CD69: variants seen among roughly 807,000 people sequenced by gnomAD.
The protein encoded by CD69 is early activation antigen CD69.
Under a neutral mutation model 21.4 loss-of-function variants are expected in CD69, and 10 were observed. That is an observed-to-expected ratio of 0.47 (90% CI 0.29 to 0.79). The LOEUF (loss-of-function observed/expected upper bound fraction) is 0.79, where lower values mean the gene tolerates loss of function less well. Ranked by LOEUF, CD69 falls within the 30% of genes least tolerant of loss-of-function variation. The pLI is 0.09. For missense variants in CD69, 204 were observed against 236.9 expected (o/e 0.86, Z 0.91); for synonymous variants, 63 against 78.2 (o/e 0.81, Z 1.03).
chr12:9,756,445 G>A lies in CD69; in HGVS notation c.65-26C>T, dbSNP rs140163244. The A allele has an allele frequency of 5.8e-4, 927 of 1,601,448 alleles. 8 individuals carry two copies. The East Asian group carries it at 0.019, about 32-fold the overall frequency. Reference sequence around the variant, plus strand: ...CTGGAAGGGAGAAAGTTGATGATGAGTTCAGGCAGACTATAGAAGTACTAT... The same window carrying A: ...CTGGAAGGGAGAAAGTTGATGATGAATTCAGGCAGACTATAGAAGTACTAT... On this transcript the variant is annotated intron_variant, in intron 1 of 4. Transcript: ENST00000228434.
Position 9,754,595 on chromosome 12 carries a change from A to C in CD69, c.483T>G (p.Phe161Leu). Residue 161 changes from phenylalanine (F) to leucine (L), a missense_variant, in exon 4 of 5, where the codon TTT becomes TTG. Transcript: ENST00000228434. ...GACTTCTGGAGACTTACCAGTTGTT[A>C]AATTCTTTGCCATTTGACCACTTCC... ...HPWKWSNGKEFNNWFNVTGSD... is the reference protein window; with the variant it reads ...HPWKWSNGKELNNWFNVTGSD... The C allele has an allele frequency of 6.3e-7, 1 of 1,596,804 alleles. No individual in the cohort carries two copies. The highest frequency in any genetic ancestry group is 8.6e-7 in the Non-Finnish European group (1 of 1,164,248).
In CD69 at chr12:9,752,807, A is replaced by G. The variant is rs1441145406; in HGVS notation, c.*674T>C. 3 of 152,658 alleles carry G rather than the reference A, an allele frequency of 2.0e-5. No individual in the cohort carries two copies. Among genetic ancestry groups the G allele is most frequent in the African/African-American group, 4.8e-5 (2 of 41,456 alleles). 9.5% of individuals were successfully genotyped at this position (152,658 alleles called of 1,614,324 possible). A position where few individuals can be genotyped will look rare whatever the true frequency, so the allele number is the denominator to read the frequency against. ...TTCTCTGTAAGACACTGTATAAAAGATTATAAAGGCAAAGAAATATGTACC... is the reference window on the plus strand; with the variant it reads ...TTCTCTGTAAGACACTGTATAAAAGGTTATAAAGGCAAAGAAATATGTACC... On this transcript the variant is annotated 3_prime_UTR_variant, in exon 5 of 5. Coordinates refer to ENST00000228434, the MANE Select transcript of CD69 (RefSeq NM_001781.2).
Position 9,754,623 on chromosome 12 carries a change from GGGTGACCA to G in CD69, c.447_454del (p.Gly150MetfsTer10). On this transcript the variant is annotated frameshift_variant, in exon 4 of 5. Coordinates refer to ENST00000228434, the MANE Select transcript of CD69 (RefSeq NM_001781.2). LOFTEE classifies it low-confidence loss of function (END_TRUNC). ...TTCTTTGCCATTTGACCACTTCCATGGGTGACCAGGTTCCTTTTTCAGTCCAACCCAGT... is the reference window on the plus strand; with the variant it reads ...TTCTTTGCCATTTGACCACTTCCATGGGTTCCTTTTTCAGTCCAACCCAGT... 1.9e-6 allele frequency: 3 copies of G among 1,611,974 alleles called. No homozygotes were observed. The highest frequency in any genetic ancestry group is 2.5e-6 in the Non-Finnish European group (3 of 1,178,088).
At chr12:9,758,919 AG>A (rs1424297690) in intron 1 of CD69, among the ~76,000 whole-genome samples, 1 of 152,056 alleles carries the variant, frequency 6.6e-6, no homozygotes, top group African/African-American at 2.4e-5. Flanking sequence ...CCCATTAATG[AG>A]GGCTACTGTT....
chr12:9,756,958 T>C (rs1866684881), intron 1 of CD69, among the ~76,000 whole-genome samples: 1 of 152,130 alleles, frequency 6.6e-6, no homozygotes, highest in Admixed American at 6.5e-5. Flanking sequence ...CACGCACTTG[T>C]GTTCCCAGCT....
rs3176785 is a variant in CD69 at position 9,760,889 on chromosome 12, T to C, written c.-69A>G. On this transcript the variant is annotated 5_prime_UTR_variant, in exon 1 of 5. Transcript: ENST00000228434. Reference sequence around the variant, plus strand: ...CTACAGTGAAAGTCTTTGCTGGAGCTCTTGTTGAGTCTGTGAGGCTCTGAG... The same window carrying C: ...CTACAGTGAAAGTCTTTGCTGGAGCCCTTGTTGAGTCTGTGAGGCTCTGAG... 2,621 of 1,273,192 alleles carry C rather than the reference T, an allele frequency of 2.1e-3. 40 individuals carry two copies. In the African/African-American group the frequency reaches 0.034, roughly 17 times the overall value. 78.9% of individuals were successfully genotyped at this position (1,273,192 alleles called of 1,614,324 possible).
chr12:9,760,761 T>C lies in CD69; in HGVS notation c.60A>G (p.Gln20=), dbSNP rs1418454397. Residue 20 remains glutamine (Q), a synonymous_variant, in exon 1 of 5, where the codon CAA becomes CAG. Transcript: ENST00000228434. The part of the protein sequence containing the change: ...ENSSLHPESG[Q]ENDATSPHFS... ...AGGCAATCAGATCTGACTTACTTTC[T>C]TGTCCACTCTCCGGATGCAAAGAGC... The C allele has an allele frequency of 5.0e-6, 8 of 1,611,878 alleles. No individual in the cohort carries two copies. The highest frequency in any genetic ancestry group is 1.7e-5 in the Admixed American group (1 of 60,024).
intron 2 of CD69, among the ~76,000 whole-genome samples, chr12:9,755,735 C>G (rs1188099114): frequency 1.3e-5 from 2 of 152,138 alleles, no homozygotes; most frequent in African/African-American, 4.8e-5. Flanking sequence ...CTCAGAATAT[C>G]TCAAAACAAT....
chr12:9,753,706 C>G (rs1342128541), intron 4 of CD69, 117 bp from the exon 5 acceptor site: 2 of 496,358 alleles, frequency 4.0e-6, no homozygotes, highest in Admixed American at 3.9e-5. Flanking sequence ...GTGGGATACA[C>G]AAGTCAAATA....
intron 1 of CD69, 42 bp downstream of exon 1, chr12:9,760,715 T>C (rs1223807116): frequency 1.4e-6 from 2 of 1,388,024 alleles, no homozygotes; most frequent in Non-Finnish European, 2.0e-6. Context: ...ATGTCATATA[T>C]AGAGATACCA....
At chr12:9,758,264 A>G (rs1323771976) in intron 1 of CD69, among the ~76,000 whole-genome samples, 2 of 152,200 alleles carry the variant, frequency 1.3e-5, no homozygotes, top group Non-Finnish European at 2.9e-5. Flanking sequence ...GAGTCTTAAA[A>G]TGCGGCCCCA....
At chr12:9,753,871 C>G (rs1866651773) in intron 4 of CD69, among the ~76,000 whole-genome samples, 1 of 152,120 alleles carries the variant, frequency 6.6e-6, no homozygotes, top group Non-Finnish European at 1.5e-5. Flanking sequence ...ATAGATTTTT[C>G]AATAAATAAT....
chr12:9,759,078 C>T (rs767914731), intron 1 of CD69, among the ~76,000 whole-genome samples: 7 of 152,066 alleles, frequency 4.6e-5, no homozygotes, highest in African/African-American at 1.4e-4. Context: ...TACAGGCGCC[C>T]GCCCCCACGC....
chr12:9,755,210 C>T lies in CD69; in HGVS notation c.239G>A (p.Ser80Asn), dbSNP rs749782838. 1.4e-5 allele frequency: 23 copies of T among 1,614,064 alleles called. No individual in the cohort carries two copies. In the South Asian group the frequency reaches 2.5e-4, roughly 18 times the overall value. The part of the protein sequence containing the change: ...GQYTFSMPSD[S>N]HVSSCSEDWV... ...GTCCTCAGAGCATGAAGAAACATGG[C>T]TGTCTGATGGCATTGAGAATGTGTA... Residue 80 changes from serine (S) to asparagine (N), a missense_variant, in exon 3 of 5, where the codon AGC (serine) becomes AAC (asparagine). Physicochemically the swap from Ser to Asn is conservative, Grantham distance 46 (BLOSUM62 1). Coordinates refer to ENST00000228434, the MANE Select transcript of CD69 (RefSeq NM_001781.2).
In CD69 at chr12:9,754,678, GT is replaced by G; in HGVS notation, c.399del (p.Lys133AsnfsTer13). ...IDSEKDMNFL[K>X]RYAGREEHWV... is the part of the protein sequence containing the mutation. Reference sequence around the variant, plus strand: ...CAGTGTTCCTCTCTACCTGCGTATCGTTTTAGAAAGTTCTTAAAGAAAGCAC... The same window carrying G: ...CAGTGTTCCTCTCTACCTGCGTATCGTTTAGAAAGTTCTTAAAGAAAGCAC... On this transcript the variant is annotated frameshift_variant, in exon 4 of 5. Transcript: ENST00000228434. LOFTEE classifies it high-confidence loss of function. The G allele has an allele frequency of 6.2e-7, 1 of 1,603,418 alleles. No homozygotes were observed. Among genetic ancestry groups the G allele is most frequent in the Non-Finnish European group, 8.5e-7 (1 of 1,170,284 alleles).
chr12:9,755,099 C>T lies in CD69; in HGVS notation c.350G>A (p.Gly117Asp), dbSNP rs1202147769. The change falls in exon 3 of 5, where the codon GGT (glycine) becomes GAT (aspartate). Residue 117 changes from glycine to aspartate, a missense_variant. By Grantham distance (94) the Gly-to-Asp change is moderately conservative. Coordinates refer to ENST00000228434, the MANE Select transcript of CD69 (RefSeq NM_001781.2). ...AGAATCAATGACAGCAAGAGTAGCA[C>T]CATGTTCAGAACAAGCATTTTGGGC... ...TSAQNACSEH[G>D]ATLAVIDSEK... is the part of the protein sequence containing the mutation. 2 of 1,613,990 alleles carry T rather than the reference C, an allele frequency of 1.2e-6. No homozygotes were observed. The highest frequency in any genetic ancestry group is 1.7e-5 in the Admixed American group (1 of 60,006).
At chr12:9,757,560 G>T (rs1304468873) in intron 1 of CD69, among the ~76,000 whole-genome samples, 2 of 151,956 alleles carry the variant, frequency 1.3e-5, no homozygotes, top group East Asian at 3.8e-4. Context: ...TCCATACAAG[G>T]GAATTCCGCT....
chr12:9,756,435 T>C lies in CD69; in HGVS notation c.65-16A>G, dbSNP rs772126426. On this transcript the variant is annotated splice_polypyrimidine_tract_variant and intron_variant, in intron 1 of 4. Coordinates refer to ENST00000228434, the MANE Select transcript of CD69 (RefSeq NM_001781.2). ...GTGGCATCATCTGGAAGGGAGAAAG[T>C]TGATGATGAGTTCAGGCAGACTATA... 1.1e-5 allele frequency: 18 copies of C among 1,610,344 alleles called. No homozygotes were observed. The African/African-American group carries it at 1.7e-4, about 16-fold the overall frequency.
At chr12:9,754,528 G>A in intron 4 of CD69, 59 bp downstream of exon 4, 1 of 936,038 alleles carries the variant, frequency 1.1e-6, no homozygotes, top group Non-Finnish European at 1.8e-6. Flanking sequence ...AGGAGAAAAG[G>A]AAAGTGATTT....
Sources: allele counts gnomAD v4.1 joint callset (sites outside exome capture counted in the v4.1 genomes callset), GRCh38; gene constraint gnomAD v4.1.1; transcripts MANE v1.5; gene names NCBI Gene and HGNC (gene_info 2026-07-23, HGNC 2026-07-21).